GRM8: variants seen among roughly 807,000 people sequenced by gnomAD.
GRM8 encodes metabotropic glutamate receptor 8.
In GRM8, 47 loss-of-function variants were observed where a neutral mutation model predicts 87.2. That is an observed-to-expected ratio of 0.54 (90% CI 0.43 to 0.69). GRM8 has a LOEUF of 0.69. Ranked by LOEUF, GRM8 falls within the 30% of genes least tolerant of loss-of-function variation. The probability of loss-of-function intolerance (pLI) is 0.00; values close to 1 mark genes in which losing one functional copy is unlikely to be tolerated. For missense variants in GRM8, 1,019 were observed against 1,139.2 expected (o/e 0.89, Z 1.52); for synonymous variants, 396 against 404.5 (o/e 0.98, Z 0.25).
Position 127,023,096 on chromosome 7 carries a change from A to G in GRM8, c.727+83400T>C, listed in dbSNP as rs887551591. On this transcript the variant is annotated intron_variant, in intron 3 of 10. Transcript: ENST00000339582. ...CAGGGTGATTTTTCTAATACCCTGA[A>G]AGGATACTTTTATGTTTTCGGTAGT... Among the ~76,000 whole-genome samples, 52 of 152,092 alleles carry G rather than the reference A, an allele frequency of 3.4e-4. 1 individual carries two copies. Among genetic ancestry groups the G allele is most frequent in the African/African-American group, 1.2e-3 (48 of 41,454 alleles).
At chr7:126,742,424 T>A (rs75027514) in intron 7 of GRM8, among the ~76,000 whole-genome samples, 3 of 151,904 alleles carry the variant, frequency 2.0e-5, no homozygotes, top group African/African-American at 7.2e-5. Flanking sequence ...CAGTATCCTA[T>A]TTCCTTTAAT....
chr7:127,044,785 A>G (rs1818772452), intron 3 of GRM8, among the ~76,000 whole-genome samples: 1 of 152,226 alleles, frequency 6.6e-6, no homozygotes, highest in Non-Finnish European at 1.5e-5. Context: ...GACCACTTCC[A>G]GTGGGTCAGG....
intron 3 of GRM8, among the ~76,000 whole-genome samples, chr7:126,945,341 T>A (rs1054836802): frequency 6.6e-6 from 1 of 152,156 alleles, no homozygotes; most frequent in African/African-American, 2.4e-5. Context: ...GATATAGAAG[T>A]TTTTATTTGT....
intron 7 of GRM8, among the ~76,000 whole-genome samples, chr7:126,674,600 A>G (rs1806736112): frequency 6.6e-6 from 1 of 152,196 alleles, no homozygotes; most frequent in Non-Finnish European, 1.5e-5. Flanking sequence ...AAAAATAAAA[A>G]ATAACTATAA....
intron 8 of GRM8, among the ~76,000 whole-genome samples, chr7:126,574,642 C>T (rs970997799): frequency 6.6e-6 from 1 of 152,102 alleles, no homozygotes; most frequent in South Asian, 2.1e-4. Context: ...TGCTTTTTTT[C>T]TACAGAGTTA....
intron 3 of GRM8, among the ~76,000 whole-genome samples, chr7:127,035,881 A>T (rs1817798336): frequency 6.6e-6 from 1 of 152,094 alleles, no homozygotes; most frequent in South Asian, 2.1e-4. Context: ...TCCCTCTTCT[A>T]ATTCCACATG....
At chr7:127,162,308 A>C (rs770850641) in intron 2 of GRM8, among the ~76,000 whole-genome samples, 1 of 152,198 alleles carries the variant, frequency 6.6e-6, no homozygotes, top group African/African-American at 2.4e-5. Flanking sequence ...AGAAGGCACC[A>C]GTGAAAAGAC....
At chr7:126,729,263 C>T (rs1813343327) in intron 7 of GRM8, among the ~76,000 whole-genome samples, 1 of 152,154 alleles carries the variant, frequency 6.6e-6, no homozygotes. Context: ...ACTGCTAGTA[C>T]CTGCAATCTG....
At chr7:127,212,499 G>C (rs988349131) in intron 2 of GRM8, among the ~76,000 whole-genome samples, 5 of 140,628 alleles carry the variant, frequency 3.6e-5, no homozygotes, top group African/African-American at 1.4e-4. Flanking sequence ...CTCACTGCAA[G>C]CTCCGCCTCC....
At chr7:127,168,894 G>A (rs1398244335) in intron 2 of GRM8, among the ~76,000 whole-genome samples, 3 of 151,726 alleles carry the variant, frequency 2.0e-5, no homozygotes, top group South Asian at 4.1e-4. Context: ...AGCATTAGGA[G>A]AAATACCTAA....
intron 6 of GRM8, among the ~76,000 whole-genome samples, chr7:126,825,395 A>G (rs1254873355): frequency 6.6e-6 from 1 of 152,124 alleles, no homozygotes; most frequent in Non-Finnish European, 1.5e-5. Flanking sequence ...AAATGCACAA[A>G]AACTCAATGA....
chr7:126,777,172 G>T (rs1015303834), intron 6 of GRM8, among the ~76,000 whole-genome samples: 2 of 152,092 alleles, frequency 1.3e-5, no homozygotes, highest in African/African-American at 4.8e-5. Context: ...AAGATTTTAG[G>T]TCTCTTCTTT....
intron 2 of GRM8, among the ~76,000 whole-genome samples, chr7:127,189,447 TAGA>T (rs1327865307): frequency 1.3e-5 from 2 of 152,180 alleles, no homozygotes; most frequent in Non-Finnish European, 2.9e-5. Context: ...GTTCTCCTGA[TAGA>T]AGGACTGTAC....
chr7:126,454,056 A>T (rs1459869634), intron 9 of GRM8, among the ~76,000 whole-genome samples: 1 of 151,786 alleles, frequency 6.6e-6, no homozygotes, highest in Non-Finnish European at 1.5e-5. Context: ...TTATCATTTG[A>T]ACGGATATCA....
rs1245645620 is a variant in GRM8 at position 126,609,563 on chromosome 7, CT to C, written c.1358-66del. 3.2e-6 allele frequency: 4 copies of C among 1,234,378 alleles called. No individual in the cohort carries two copies. In the East Asian group the frequency reaches 9.5e-5, roughly 29 times the overall value. 76.5% of individuals were successfully genotyped at this position (1,234,378 alleles called of 1,614,324 possible). A position where few individuals can be genotyped will look rare whatever the true frequency, so the allele number is the denominator to read the frequency against. ...AAGATAGCCCACTGGGTTTATTTTT[CT>C]TTTAGAAGGAATGGTAGATAAAAAT... is the stretch of plus-strand genomic sequence containing the variant. On this transcript the variant is annotated intron_variant, in intron 7 of 10. Transcript: ENST00000339582.
At chr7:126,978,481 T>C (rs765115049) in intron 3 of GRM8, among the ~76,000 whole-genome samples, 30 of 152,182 alleles carry the variant, frequency 2.0e-4, no homozygotes, top group Non-Finnish European at 3.5e-4. Flanking sequence ...GAAAAAGAAT[T>C]AGAGGTGTTG....
At chr7:126,505,757 T>C (rs780148845) in intron 9 of GRM8, among the ~76,000 whole-genome samples, 6 of 152,120 alleles carry the variant, frequency 3.9e-5, no homozygotes, top group Non-Finnish European at 8.8e-5. Context: ...CATCTTGATA[T>C]AGATATACGT....
intron 3 of GRM8, among the ~76,000 whole-genome samples, chr7:126,992,782 C>T (rs1000085719): frequency 3.3e-5 from 5 of 151,158 alleles, no homozygotes; most frequent in Admixed American, 6.6e-5. Flanking sequence ...GAAGAAACAC[C>T]AGAGAGCGTG....
intron 8 of GRM8, 130 bp downstream of exon 8, chr7:126,609,232 A>G: frequency 1.7e-6 from 1 of 592,928 alleles, no homozygotes; most frequent in Non-Finnish European, 2.9e-6. Context: ...TTGAAGAGAG[A>G]ATCAAGTCAT....
Sources: gnomAD v4.1 joint callset for allele counts (sites outside exome capture counted in the v4.1 genomes callset) on GRCh38, gnomAD v4.1.1 for gene constraint, MANE v1.5 for transcripts, NCBI Gene and HGNC (gene_info 2026-07-23, HGNC 2026-07-21) for gene names.